The following PHYKPL variants were observed in gnomAD, a reference collection of about 807,000 sequenced individuals.
The protein encoded by PHYKPL is 5-phosphohydroxy-L-lysine phospho-lyase.
Under a neutral mutation model 51.3 loss-of-function variants are expected in PHYKPL, and 42 were observed. That is an observed-to-expected ratio of 0.82 (90% CI 0.64 to 1.06). The LOEUF (loss-of-function observed/expected upper bound fraction) is 1.06. Among genes scored for constraint, PHYKPL ranks in the 50% least tolerant of loss-of-function variants. PHYKPL has a pLI of 0.00. For missense variants in PHYKPL, 655 were observed against 586.6 expected (o/e 1.12, Z -1.20); for synonymous variants, 264 against 236.0 (o/e 1.12, Z -1.09).
intron 12 of PHYKPL, 73 bp downstream of exon 12, chr5:178,211,817 G>T: frequency 9.2e-7 from 1 of 1,084,214 alleles, no homozygotes; most frequent in Non-Finnish European, 1.4e-6. Flanking sequence ...GGCTCAGCTT[G>T]CCGAGGCTGC....
chr5:178,214,796 C>T lies in PHYKPL; in HGVS notation c.1172G>A (p.Arg391Lys). Residue 391 changes from arginine (R) to lysine (K), a missense_variant and splice_region_variant, in exon 10 of 13, where the codon AGG becomes AAG. By Grantham distance (26) the Arg-to-Lys change is conservative (BLOSUM62 2). Coordinates refer to ENST00000308158, the MANE Select transcript of PHYKPL (RefSeq NM_153373.4). ...ATEEAAYLVS[R>K]LKENYVLLST... ...GCAACTTGTTTCAAGAAGAAAATAC[C>T]TTGATACCAAGTAGGCAGCCTCTTC... 1 of 1,613,888 alleles carries T rather than the reference C, an allele frequency of 6.2e-7. No homozygotes were observed. Among genetic ancestry groups the T allele is most frequent in the Non-Finnish European group, 8.5e-7 (1 of 1,179,932 alleles).
intron 9 of PHYKPL, 107 bp from the exon 10 acceptor site, chr5:178,214,992 G>A (rs915743181): frequency 9.9e-7 from 1 of 1,009,814 alleles, no homozygotes; most frequent in Non-Finnish European, 1.5e-6. Context: ...CTGAGTGCAG[G>A]AGGCACCTTC....
intron 12 of PHYKPL, among the ~76,000 whole-genome samples, chr5:178,209,600 G>A (rs902004680): frequency 6.6e-6 from 1 of 152,206 alleles, no homozygotes; most frequent in African/African-American, 2.4e-5. Context: ...TCTGGGTCAG[G>A]GCTGTATGCT....
rs1330870373 is a variant in PHYKPL, at chr5:178,213,035, G to A, written c.1241C>T (p.Pro414Leu). 6.2e-7 allele frequency: 1 copy of A among 1,614,190 alleles called. No homozygotes were observed. The highest frequency in any genetic ancestry group is 1.1e-5 in the South Asian group (1 of 91,084). Residue 414 changes from proline (P) to leucine (L), a missense_variant, in exon 11 of 13, where the codon CCA becomes CTA. Physicochemically the swap from Pro to Leu is moderately conservative, Grantham distance 98. Transcript: ENST00000308158. ...PGRNILKFKP[P>L]MCFSLDNARQ... is the part of the protein sequence containing the mutation. ...TGCATTGTCCAGGCTGAAGCACATT[G>A]GGGGCTTAAACTTCAGGATGTTCCT... is the stretch of plus-strand genomic sequence containing the variant.
intron 8 of PHYKPL, among the ~76,000 whole-genome samples, chr5:178,221,923 T>C (rs1761245403): frequency 6.6e-6 from 1 of 152,152 alleles, no homozygotes; most frequent in African/African-American, 2.4e-5. Flanking sequence ...ATGTGTCAGC[T>C]TCACTCAGGG....
chr5:178,220,025 C>G (rs1188620201), intron 8 of PHYKPL, among the ~76,000 whole-genome samples: 1 of 150,738 alleles, frequency 6.6e-6, no homozygotes, highest in East Asian at 2.0e-4. Context: ...GAAACTCCAT[C>G]TGTACCAAAA....
chr5:178,228,922 C>T (rs1001247788), intron 3 of PHYKPL, among the ~76,000 whole-genome samples: 2 of 152,122 alleles, frequency 1.3e-5, no homozygotes, highest in Admixed American at 6.5e-5. Context: ...CCCCACTTGG[C>T]GGAGAAGGCC....
At chr5:178,211,779 G>A (rs1296405593) in intron 12 of PHYKPL, 111 bp downstream of exon 12, 3 of 699,310 alleles carry the variant, frequency 4.3e-6, no homozygotes, top group Admixed American at 2.6e-5. Context: ...AGGAGCATCA[G>A]TCAGAACAAA....
intron 10 of PHYKPL, 141 bp downstream of exon 10, chr5:178,214,655 C>T (rs746290187): frequency 1.7e-5 from 12 of 720,642 alleles, no homozygotes; most frequent in East Asian, 1.3e-4. Context: ...TGCCCCCACC[C>T]GCCAGCCCCA....
At chr5:178,231,925 C>T (rs1763538712) in intron 1 of PHYKPL, 1 of 1,278,168 alleles carries the variant, frequency 7.8e-7, no homozygotes. Flanking sequence ...CCCTAAACAG[C>T]TCCTTGCCAG....
chr5:178,232,617 A>G lies in PHYKPL; in HGVS notation c.-67T>C. On this transcript the variant is annotated 5_prime_UTR_variant, in exon 1 of 13. Transcript: ENST00000308158. ...CGTCGCCGCGCGGGCTGGGCCTCCA[A>G]GGCCCCGCTCCGGGCCCCGCCCCTG... 7 of 1,243,546 alleles carry G rather than the reference A, an allele frequency of 5.6e-6. No individual in the cohort carries two copies. The highest frequency in any genetic ancestry group is 7.0e-6 in the Non-Finnish European group (7 of 994,394). The allele number at this position is 1,243,546 out of a possible 1,614,324, so 77.0% of individuals were successfully genotyped here. A position where few individuals can be genotyped will look rare whatever the true frequency, so the allele number is the denominator to read the frequency against.
Position 178,232,558 on chromosome 5 carries a change from G to A in PHYKPL, c.-8C>T. ...GCGCTGGTCTGCGGCCATGGTGGGT[G>A]GCCGTCAGTCGGTGCCGTGACGCCA... On this transcript the variant is annotated 5_prime_UTR_variant, in exon 1 of 13. Coordinates refer to ENST00000308158, the MANE Select transcript of PHYKPL (RefSeq NM_153373.4). The A allele has an allele frequency of 1.6e-6, 2 of 1,284,606 alleles. No individual in the cohort carries two copies. The highest frequency in any genetic ancestry group is 2.0e-6 in the Non-Finnish European group (2 of 1,019,330). 79.6% of individuals were successfully genotyped at this position (1,284,606 alleles called of 1,614,324 possible).
intron 1 of PHYKPL, 79 bp downstream of exon 1, chr5:178,232,413 C>A: frequency 1.5e-6 from 2 of 1,335,610 alleles, no homozygotes; most frequent in Non-Finnish European, 1.9e-6. Context: ...GTGCGTAGTG[C>A]GTGCGTGCGT....
chr5:178,229,908 C>A, intron 3 of PHYKPL, 32 bp downstream of exon 3: 2 of 1,607,004 alleles, frequency 1.2e-6, no homozygotes, highest in South Asian at 2.2e-5. Flanking sequence ...CCGTCTCACC[C>A]TCTTCCCGGG....
chr5:178,229,779 A>C, intron 3 of PHYKPL, 161 bp downstream of exon 3: 1 of 781,182 alleles, frequency 1.3e-6, no homozygotes, highest in East Asian at 2.7e-5. Context: ...TCCAACAGAG[A>C]AAGCATCAGG....
At chr5:178,210,095 A>G (rs745976698) in intron 12 of PHYKPL, 85 of 1,607,956 alleles carry the variant, frequency 5.3e-5, no homozygotes, top group Non-Finnish European at 6.5e-5. Context: ...CGTATGCTAA[A>G]TGGTCCACGG....
At chr5:178,222,717 G>T in intron 7 of PHYKPL, 135 bp downstream of exon 7, 1 of 1,342,308 alleles carries the variant, frequency 7.4e-7, no homozygotes, top group Non-Finnish European at 1.0e-6. Flanking sequence ...GCCTTCTCTG[G>T]GCCATTCTTT....
intron 2 of PHYKPL, 102 bp downstream of exon 2, chr5:178,231,303 C>A: frequency 6.3e-7 from 1 of 1,579,988 alleles, no homozygotes; most frequent in Non-Finnish European, 8.6e-7. Context: ...CTCAACTCCA[C>A]CCAGGTTCTC....
At chr5:178,232,022 T>A (rs1438722090) in intron 1 of PHYKPL, 1 of 1,201,910 alleles carries the variant, frequency 8.3e-7, no homozygotes, top group African/African-American at 1.6e-5. Flanking sequence ...GAGGGCCCCC[T>A]CACAGGTCAA....
Sources: gnomAD v4.1 joint callset for allele counts (sites outside exome capture counted in the v4.1 genomes callset) on GRCh38, gnomAD v4.1.1 for gene constraint, MANE v1.5 for transcripts, NCBI Gene and HGNC (gene_info 2026-07-23, HGNC 2026-07-21) for gene names.